The following HIPK1 variants were observed in gnomAD, a reference collection of about 807,000 sequenced individuals.
HIPK1 encodes homeodomain interacting protein kinase 1.
HIPK1 carries 28 observed loss-of-function variants against 117.1 expected under a neutral mutation model. The ratio of observed to expected loss-of-function variants is 0.24; its 90% CI spans 0.18 to 0.33. The LOEUF (loss-of-function observed/expected upper bound fraction) is 0.33. Ranked by LOEUF, HIPK1 falls within the 10% of genes least tolerant of loss-of-function variation. HIPK1 has a pLI of 1.00. For missense variants in HIPK1, 1,122 were observed against 1,475.1 expected (o/e 0.76, Z 3.92); for synonymous variants, 605 against 562.5 (o/e 1.08, Z -1.07).
chr1:113,969,978 A>G lies in HIPK1; in HGVS notation c.2794A>G (p.Asn932Asp), dbSNP rs1457099460. The G allele has an allele frequency of 6.8e-6, 11 of 1,613,982 alleles. No individual in the cohort carries two copies. Among genetic ancestry groups the G allele is most frequent in the South Asian group, 1.1e-5 (1 of 91,076 alleles). The change falls in exon 14 of 16, where the codon AAT becomes GAT. Residue 932 changes from asparagine to aspartate, a missense_variant. Physicochemically the swap from Asn to Asp is conservative, Grantham distance 23 (BLOSUM62 1). Coordinates refer to ENST00000426820, the MANE Select transcript of HIPK1 (RefSeq NM_198268.3). The part of the protein sequence containing the change: ...PSSSGLKPRS[N>D]VISYVTVNDS... ...CAGCTCTGGACTGAAGCCAAGGTCTAATGTCATCAGTTATGTCACTGTCAA... is the reference window on the plus strand; with the variant it reads ...CAGCTCTGGACTGAAGCCAAGGTCTGATGTCATCAGTTATGTCACTGTCAA...
Position 113,941,590 on chromosome 1 carries a change from C to T in HIPK1, c.1076+131C>T. 2.8e-6 allele frequency: 2 copies of T among 723,350 alleles called. No homozygotes were observed. The highest frequency in any genetic ancestry group is 4.5e-6 in the Non-Finnish European group (2 of 439,918). The allele number at this position is 723,350 out of a possible 1,614,324, so 44.8% of individuals were successfully genotyped here. Reference sequence around the variant, plus strand: ...GAGATAGAAATAGGATATGTTTTAGCTCATTCTATGTGTGTGGCATTCCTA... The same window carrying T: ...GAGATAGAAATAGGATATGTTTTAGTTCATTCTATGTGTGTGGCATTCCTA... On this transcript the variant is annotated intron_variant, in intron 2 of 15. Coordinates refer to ENST00000426820, the MANE Select transcript of HIPK1 (RefSeq NM_198268.3). This position sits in a 1 kb window ranked among gnomAD's most constrained non-coding sequence, Gnocchi z 4.9.
rs1159296904 is a variant in HIPK1 at position 113,976,297 on chromosome 1, T to A, written c.*2785T>A. 6.6e-6 allele frequency: 1 copy of A among 152,416 alleles called. No individual in the cohort carries two copies. The highest frequency in any genetic ancestry group is 2.4e-5 in the African/African-American group (1 of 41,464). The allele number at this position is 152,416 out of a possible 1,614,324, so 9.4% of individuals were successfully genotyped here. ...TCACTAGTGTCATACAGTTTTCTGG[T>A]CAACATGTGTGATCTTTGTGTCTCC... On this transcript the variant is annotated 3_prime_UTR_variant, in exon 16 of 16. Coordinates refer to ENST00000426820, the MANE Select transcript of HIPK1 (RefSeq NM_198268.3).
Position 113,973,231 on chromosome 1 carries a change from A to G in HIPK1, c.3352A>G (p.Thr1118Ala), listed in dbSNP as rs1571739821. 1 of 1,613,680 alleles carries G rather than the reference A, an allele frequency of 6.2e-7. No individual in the cohort carries two copies. ...TCATCTGTATACGTATGCTGCCCCG[A>G]CTTCTGCTGCTGCACTGGGCTCAAC... The part of the protein sequence containing the change: ...QAHLYTYAAP[T>A]SAAALGSTSS... Residue 1118 changes from threonine to alanine, a missense_variant, in exon 16 of 16, where the codon ACT becomes GCT. By Grantham distance (58) the Thr-to-Ala change is moderately conservative (BLOSUM62 0). Coordinates refer to ENST00000426820, the MANE Select transcript of HIPK1 (RefSeq NM_198268.3).
intron 8 of HIPK1, among the ~76,000 whole-genome samples, chr1:113,961,235 TAAAG>T (rs1672082476): frequency 6.6e-6 from 1 of 152,204 alleles, no homozygotes; most frequent in Non-Finnish European, 1.5e-5. Flanking sequence ...AATAAAAAGA[TAAAG>T]AAGACATGGT....
chr1:113,938,929 TACACACACACAC>T (rs55979020), intron 1 of HIPK1, among the ~76,000 whole-genome samples: 7,942 of 115,498 alleles, frequency 0.069, 312 homozygotes, highest in Non-Finnish European at 0.085. Context: ...AAAAAAAAAA[TACACACACACAC>T]ACACACACAC....
intron 4 of HIPK1, 79 bp from the exon 5 acceptor site, chr1:113,955,484 G>A (rs1333340812): frequency 3.6e-6 from 3 of 844,206 alleles, no homozygotes; most frequent in Admixed American, 2.2e-5. Flanking sequence ...CTTGTCTCTT[G>A]TATTCTGGCT....
At position 113,952,792 on chromosome 1, in the gene HIPK1, C is replaced by T. The variant is rs750861770; in HGVS notation, c.1103C>T (p.Pro368Leu). Reference sequence around the variant, plus strand: ...GCTCCTGAAATTATTCTTGGGTTACCATTTTGTGAAGCTATTGATATGTGG... The same window carrying T: ...GCTCCTGAAATTATTCTTGGGTTACTATTTTGTGAAGCTATTGATATGTGG... ...YRAPEIILGL[P>L]FCEAIDMWSL... Residue 368 changes from proline (P) to leucine (L), a missense_variant, in exon 3 of 16, where the codon CCA becomes CTA. Physicochemically the swap from Pro to Leu is moderately conservative, Grantham distance 98. Coordinates refer to ENST00000426820, the MANE Select transcript of HIPK1 (RefSeq NM_198268.3). 1 of 1,490,732 alleles carries T rather than the reference C, an allele frequency of 6.7e-7. No homozygotes were observed. The highest frequency in any genetic ancestry group is 9.0e-7 in the Non-Finnish European group (1 of 1,116,760). 92.3% of individuals were successfully genotyped at this position (1,490,732 alleles called of 1,614,324 possible).
At chr1:113,959,167 T>C (rs1462174900) in intron 8 of HIPK1, among the ~76,000 whole-genome samples, 3 of 152,126 alleles carry the variant, frequency 2.0e-5, no homozygotes, top group Non-Finnish European at 2.9e-5. Flanking sequence ...GATTCAGGTA[T>C]TTCATATAAC....
intron 8 of HIPK1, among the ~76,000 whole-genome samples, chr1:113,960,473 A>G (rs1485380268): frequency 6.6e-6 from 1 of 152,198 alleles, no homozygotes; most frequent in Non-Finnish European, 1.5e-5. Context: ...CATTTTGCTT[A>G]GTGGTAACTA....
intron 14 of HIPK1, among the ~76,000 whole-genome samples, chr1:113,971,070 A>G (rs1320293815): frequency 1.3e-5 from 2 of 152,230 alleles, no homozygotes; most frequent in African/African-American, 4.8e-5. Flanking sequence ...ATACTTGTAT[A>G]AATTATGTTT....
intron 1 of HIPK1, among the ~76,000 whole-genome samples, chr1:113,938,929 TACACACACACACAC>T (rs55979020): frequency 0.2 from 22,792 of 115,474 alleles, 2,324 homozygotes; most frequent in East Asian, 0.36. Context: ...AAAAAAAAAA[TACACACACACACAC>T]ACACACACAC....
intron 2 of HIPK1, among the ~76,000 whole-genome samples, chr1:113,947,147 A>G (rs4381184): frequency 1.3e-5 from 2 of 152,102 alleles, no homozygotes; most frequent in Admixed American, 1.3e-4. Flanking sequence ...AAATTTGCCA[A>G]CTTGCTGTGT....
chr1:113,933,803 G>A (rs1042457519), intron 1 of HIPK1, among the ~76,000 whole-genome samples: 1 of 152,128 alleles, frequency 6.6e-6, no homozygotes, highest in Admixed American at 6.5e-5. Context: ...GGAGGTCCAG[G>A]CTGCAGTGAA....
At chr1:113,952,071 T>C (rs1209705085) in intron 2 of HIPK1, among the ~76,000 whole-genome samples, 1 of 151,520 alleles carries the variant, frequency 6.6e-6, no homozygotes, top group East Asian at 1.9e-4. Flanking sequence ...CCTGAGTAGC[T>C]GGGATTACAG....
chr1:113,976,906 G>A lies in HIPK1; in HGVS notation c.*3394G>A, dbSNP rs890625100. 2 of 152,752 alleles carry A rather than the reference G, an allele frequency of 1.3e-5. No homozygotes were observed. Among genetic ancestry groups the A allele is most frequent in the African/African-American group, 4.8e-5 (2 of 41,426 alleles). The allele number at this position is 152,752 out of a possible 1,614,324, so 9.5% of individuals were successfully genotyped here. On this transcript the variant is annotated 3_prime_UTR_variant, in exon 16 of 16. Coordinates refer to ENST00000426820, the MANE Select transcript of HIPK1 (RefSeq NM_198268.3). ...AGAAGGGTTCAGTGTAGCCACTCTG[G>A]GCTCATAGGGACACTTGGTCACTCC... is the stretch of plus-strand genomic sequence containing the variant.
rs1672433881 is a variant in HIPK1, at chr1:113,966,180, A to G, written c.2289A>G (p.Gln763=). 2.5e-6 allele frequency: 4 copies of G among 1,614,128 alleles called. No individual in the cohort carries two copies. Among genetic ancestry groups the G allele is most frequent in the Non-Finnish European group, 3.4e-6 (4 of 1,179,996 alleles). Residue 763 remains glutamine (Q), a synonymous_variant, in exon 11 of 16, where the codon CAA becomes CAG. Coordinates refer to ENST00000426820, the MANE Select transcript of HIPK1 (RefSeq NM_198268.3). The stretch of plus-strand genomic sequence containing the variant: ...AAATTCTCCTGCCTTCAACTTGGCA[A>G]CAGTTGCCTGGGGTAGCTCTACACA... ...TQQILLPSTW[Q]QLPGVALHNS...
rs550839095 is a variant in HIPK1, at chr1:113,977,828, A to G, written c.*4316A>G. 6.5e-6 allele frequency: 1 copy of G among 152,866 alleles called. No homozygotes were observed. Among genetic ancestry groups the G allele is most frequent in the South Asian group, 2.1e-4 (1 of 4,828 alleles). The allele number at this position is 152,866 out of a possible 1,614,324, so 9.5% of individuals were successfully genotyped here. A position where few individuals can be genotyped will look rare whatever the true frequency, so the allele number is the denominator to read the frequency against. On this transcript the variant is annotated 3_prime_UTR_variant, in exon 16 of 16. Transcript: ENST00000426820. ...TATGTGGCTGTTTTTGACTTCTGTT[A>G]TAGGATATAAAGGGGATCAATAAAT...
At position 113,929,440 on chromosome 1, in the gene HIPK1, C is replaced by G. The variant is rs1669679563; in HGVS notation, c.-95C>G. The G allele has an allele frequency of 7.8e-7, 1 of 1,289,270 alleles. No homozygotes were observed. Among genetic ancestry groups the G allele is most frequent in the Non-Finnish European group, 1.0e-6 (1 of 988,864 alleles). The allele number at this position is 1,289,270 out of a possible 1,614,324, so 79.9% of individuals were successfully genotyped here. ...GCACTCGATCCACGCTGGCTCCCTA[C>G]GGAGGCCCACCTACTCGAGGCCCAC... is the stretch of plus-strand genomic sequence containing the variant. On this transcript the variant is annotated 5_prime_UTR_variant, in exon 1 of 16. Transcript: ENST00000426820.
rs1673012353 is a variant in HIPK1 at position 113,974,032 on chromosome 1, C to T, written c.*520C>T. On this transcript the variant is annotated 3_prime_UTR_variant, in exon 16 of 16. Transcript: ENST00000426820. ...CTTGCCTATTTTATTTTAAAAGCGG[C>T]TTACACAATCTCCCTTTTGTTTATT... The T allele has an allele frequency of 6.6e-6, 1 of 152,390 alleles. No individual in the cohort carries two copies. The highest frequency in any genetic ancestry group is 2.4e-5 in the African/African-American group (1 of 41,452). 9.4% of individuals were successfully genotyped at this position (152,390 alleles called of 1,614,324 possible).
Sources: allele counts gnomAD v4.1 joint callset (sites outside exome capture counted in the v4.1 genomes callset), GRCh38; gene constraint gnomAD v4.1.1; non-coding constraint Gnocchi (gnomAD v3.1); transcripts MANE v1.5; gene names NCBI Gene and HGNC (gene_info 2026-07-23, HGNC 2026-07-21).